CPED1: variants seen among roughly 807,000 people sequenced by gnomAD.
CPED1 encodes the protein cadherin-like and PC-esterase domain-containing protein 1.
A neutral mutation model predicts 128.2 loss-of-function variants in CPED1; 114 were observed. That is an observed-to-expected ratio of 0.89 (90% CI 0.76 to 1.04). The LOEUF is 1.04. Among genes scored for constraint, CPED1 ranks in the 50% least tolerant of loss-of-function variants. CPED1 has a pLI of 0.00. For missense variants in CPED1, 1,211 were observed against 1,207.1 expected, an observed-to-expected ratio of 1.00 and a Z score of -0.05; for synonymous variants, 462 against 426.7, an observed-to-expected ratio of 1.08 and a Z score of -1.02.
chr7:121,175,611 G>A (rs1247004627), intron 16 of CPED1, among the ~76,000 whole-genome samples: 1 of 151,946 alleles, frequency 6.6e-6, no homozygotes, highest in Non-Finnish European at 1.5e-5. Context: ...TTCTACCTTA[G>A]CTAAAAAGCA....
chr7:121,027,767 TAATAATAATAATGA>T (rs1234501908), intron 3 of CPED1, among the ~76,000 whole-genome samples: 9 of 148,488 alleles, frequency 6.1e-5, no homozygotes, highest in Admixed American at 2.7e-4. Flanking sequence ...ATAATAATAA[TAATAATAATAATGA>T]GTTTCAGCTC....
Position 121,113,833 on chromosome 7 carries a change from T to TA in CPED1, c.919-10498_919-10497insA, listed in dbSNP as rs1666463967. Reference sequence around the variant, plus strand: ...CTCAGATATAGTCTTATTTGAAACTTTTTTTTTTTCTTTGAGACAGAACCT... The same window carrying TA: ...CTCAGATATAGTCTTATTTGAAACTTATTTTTTTTTCTTTGAGACAGAACCT... On this transcript the variant is annotated intron_variant, in intron 7 of 22. Coordinates refer to ENST00000310396, the MANE Select transcript of CPED1 (RefSeq NM_024913.5). Among the ~76,000 whole-genome samples, 3 of 150,720 alleles carry TA rather than the reference T, an allele frequency of 2.0e-5. No individual in the cohort carries two copies. In the South Asian group the frequency reaches 6.3e-4, roughly 32 times the overall value.
At chr7:121,022,173 G>A (rs1011020340) in intron 3 of CPED1, among the ~76,000 whole-genome samples, 1 of 151,830 alleles carries the variant, frequency 6.6e-6, no homozygotes, top group Non-Finnish European at 1.5e-5. Flanking sequence ...CATGAACAAA[G>A]GAAGATAAAA....
intron 16 of CPED1, among the ~76,000 whole-genome samples, chr7:121,186,515 A>G (rs28588484): frequency 0.62 from 94,060 of 151,902 alleles, 29,494 homozygotes; most frequent in East Asian, 0.88. Flanking sequence ...ACACCAGCAT[A>G]ATACATATTC....
At chr7:121,029,299 G>A (rs1457317285) in intron 3 of CPED1, among the ~76,000 whole-genome samples, 3 of 152,076 alleles carry the variant, frequency 2.0e-5, no homozygotes, top group African/African-American at 4.8e-5. Flanking sequence ...ATCTGAAAAG[G>A]TTAAGTCATT....
chr7:121,065,854 T>C (rs1407400786), intron 5 of CPED1, among the ~76,000 whole-genome samples: 3 of 152,156 alleles, frequency 2.0e-5, no homozygotes, highest in East Asian at 1.9e-4. Context: ...AATAACAAGA[T>C]AGTTTCACAG....
intron 3 of CPED1, among the ~76,000 whole-genome samples, chr7:121,046,038 GATATAGAT>G (rs1300569840): frequency 9.9e-5 from 15 of 151,794 alleles, no homozygotes; most frequent in East Asian, 3.9e-4. Flanking sequence ...TCTATATGTA[GATATAGAT>G]ATATAGATAT....
intron 3 of CPED1, among the ~76,000 whole-genome samples, chr7:121,023,387 A>C (rs773320736): frequency 4.6e-5 from 7 of 152,202 alleles, no homozygotes; most frequent in Non-Finnish European, 8.8e-5. Context: ...GTCCAGCAAT[A>C]GAACAGCCCA....
chr7:121,270,104 C>T (rs1185487005), intron 21 of CPED1, among the ~76,000 whole-genome samples: 1 of 152,012 alleles, frequency 6.6e-6, no homozygotes. Context: ...AAAGGTCCAC[C>T]CCTATGACCC....
At position 120,988,736 on chromosome 7, in the gene CPED1, GGC is replaced by G; in HGVS notation, c.-398_-397del. 1 of 152,420 alleles carries G rather than the reference GGC, an allele frequency of 6.6e-6. No homozygotes were observed. The highest frequency in any genetic ancestry group is 1.5e-5 in the Non-Finnish European group (1 of 68,162). The allele number at this position is 152,420 out of a possible 1,614,324, so 9.4% of individuals were successfully genotyped here. A position where few individuals can be genotyped will look rare whatever the true frequency, so the allele number is the denominator to read the frequency against. On this transcript the variant is annotated 5_prime_UTR_variant, in exon 1 of 23. Transcript: ENST00000310396. ...CTCTGCTCCCGCCGGGCGTGCAGCG[GGC>G]GCGCGCGCGTGTGTTTATGTGTCTG...
chr7:121,020,858 A>G, intron 3 of CPED1, among the ~76,000 whole-genome samples: 1 of 151,946 alleles, frequency 6.6e-6, no homozygotes, highest in East Asian at 1.9e-4. Flanking sequence ...CAATTTTTTC[A>G]AAGGGAGTAT....
At chr7:121,040,676 T>C (rs1279888926) in intron 3 of CPED1, among the ~76,000 whole-genome samples, 1 of 151,962 alleles carries the variant, frequency 6.6e-6, no homozygotes, top group Non-Finnish European at 1.5e-5. Flanking sequence ...AGAAGGGTAA[T>C]ACAAATGAAC....
intron 18 of CPED1, chr7:121,261,564 G>A (rs898695133): frequency 3.6e-5 from 57 of 1,565,730 alleles, no homozygotes; most frequent in Non-Finnish European, 4.6e-5. Context: ...ATATGATCAG[G>A]AATGATGTGA....
chr7:121,121,732 T>A (rs1372889006), intron 7 of CPED1, among the ~76,000 whole-genome samples: 1 of 152,164 alleles, frequency 6.6e-6, no homozygotes, highest in Non-Finnish European at 1.5e-5. Flanking sequence ...CAGGTATTTG[T>A]GAGTTAAGAA....
At chr7:121,151,916 T>C (rs1044583622) in intron 16 of CPED1, among the ~76,000 whole-genome samples, 2 of 152,218 alleles carry the variant, frequency 1.3e-5, no homozygotes, top group Non-Finnish European at 2.9e-5. Flanking sequence ...GATTGGGGGA[T>C]GGAGTATTCC....
chr7:121,155,534 A>G (rs1796265524), intron 16 of CPED1, among the ~76,000 whole-genome samples: 1 of 152,210 alleles, frequency 6.6e-6, no homozygotes, highest in South Asian at 2.1e-4. Context: ...GGAGCAGAAT[A>G]GAAAACCCAG....
chr7:121,135,947 C>T, intron 13 of CPED1, 93 bp from the exon 14 acceptor site: 1 of 958,524 alleles, frequency 1.0e-6, no homozygotes, highest in South Asian at 2.1e-5. Context: ...AAATGAAAAA[C>T]ATGTTTTATT....
intron 5 of CPED1, among the ~76,000 whole-genome samples, chr7:121,095,046 A>G (rs915478122): frequency 3.3e-4 from 50 of 152,186 alleles, no homozygotes; most frequent in Non-Finnish European, 5.9e-5. Flanking sequence ...TAGGTATTCC[A>G]TATTAAGTTA....
intron 3 of CPED1, among the ~76,000 whole-genome samples, chr7:121,016,974 C>G (rs1274604772): frequency 6.6e-6 from 1 of 152,104 alleles, no homozygotes; most frequent in Non-Finnish European, 1.5e-5. Flanking sequence ...TGCCCCCTTG[C>G]TGGTTTGTGC....
Sources: allele counts gnomAD v4.1 joint callset (sites outside exome capture counted in the v4.1 genomes callset), GRCh38; gene constraint gnomAD v4.1.1; transcripts MANE v1.5; gene names NCBI Gene and HGNC (gene_info 2026-07-23, HGNC 2026-07-21).